Variants in QTMAN observed in about 807,000 individuals in gnomAD.
The protein encoded by QTMAN is tRNA-queuosine alpha-mannosyltransferase.
the QTMAN span, among the ~76,000 whole-genome samples, chr2:144,213,925 G>C: frequency 1.3e-5 from 2 of 151,960 alleles, no homozygotes; most frequent in African/African-American, 4.8e-5. Context: ...AACACACCCA[G>C]GTTCTATATA....
the QTMAN span, chr2:144,177,204 T>G: frequency 1.4e-6 from 1 of 700,374 alleles, no homozygotes; most frequent in African/African-American, 1.8e-5. Context: ...TATCCAGACA[T>G]GAAGAGTCAA....
At chr2:144,212,085 G>A in the QTMAN span, among the ~76,000 whole-genome samples, 2 of 152,194 alleles carry the variant, frequency 1.3e-5, no homozygotes, top group Admixed American at 1.3e-4. Flanking sequence ...TCTCCTATTG[G>A]TGCCTGAGTT....
the QTMAN span, among the ~76,000 whole-genome samples, chr2:144,328,077 A>C: frequency 6.6e-6 from 1 of 152,000 alleles, no homozygotes; most frequent in Non-Finnish European, 1.5e-5. Context: ...TCAGCCTCCG[A>C]GTAGCTGGGA....
chr2:144,320,356 G>A, the QTMAN span, among the ~76,000 whole-genome samples: 2 of 152,154 alleles, frequency 1.3e-5, no homozygotes, highest in African/African-American at 4.8e-5. Flanking sequence ...ATGATACCTA[G>A]TGTATGTCAC....
the QTMAN span, among the ~76,000 whole-genome samples, chr2:144,254,503 C>G: frequency 6.6e-6 from 1 of 152,170 alleles, no homozygotes; most frequent in African/African-American, 2.4e-5. Flanking sequence ...CATGGAAACA[C>G]CTGGATGTCC....
At chr2:144,170,421 G>A in the QTMAN span, among the ~76,000 whole-genome samples, 1 of 152,134 alleles carries the variant, frequency 6.6e-6, no homozygotes, top group Non-Finnish European at 1.5e-5. Context: ...GGTCTCCAAG[G>A]CCCACAGAGG....
chr2:144,106,438 A>G, the QTMAN span, among the ~76,000 whole-genome samples: 1 of 152,228 alleles, frequency 6.6e-6, no homozygotes. Context: ...AAAACAAAAA[A>G]AGGCAGGGGT....
the QTMAN span, among the ~76,000 whole-genome samples, chr2:143,964,636 G>A: frequency 6.6e-6 from 1 of 152,078 alleles, no homozygotes; most frequent in Non-Finnish European, 1.5e-5. Context: ...CAGGAGCTGG[G>A]AGCTGAGTGA....
chr2:144,098,194 C>T, the QTMAN span, among the ~76,000 whole-genome samples: 10 of 152,160 alleles, frequency 6.6e-5, no homozygotes, highest in South Asian at 4.1e-4. Context: ...ACAACCAATA[C>T]GTCAAAATTT....
the QTMAN span, among the ~76,000 whole-genome samples, chr2:144,104,054 C>T: frequency 6.6e-6 from 1 of 152,180 alleles, no homozygotes; most frequent in Non-Finnish European, 1.5e-5. Context: ...AGCACCACTG[C>T]ACTCCAGTCT....
chr2:144,138,647 T>A, the QTMAN span, among the ~76,000 whole-genome samples: 1 of 151,968 alleles, frequency 6.6e-6, no homozygotes, highest in African/African-American at 2.4e-5. Context: ...CAGTAACAGG[T>A]GAGAAGATGG....
chr2:144,258,840 A>C, the QTMAN span, among the ~76,000 whole-genome samples: 1 of 152,260 alleles, frequency 6.6e-6, no homozygotes, highest in East Asian at 1.9e-4. Flanking sequence ...ATGGACATAG[A>C]ATAGCTTGTT....
the QTMAN span, among the ~76,000 whole-genome samples, chr2:144,238,264 AAAT>A: frequency 1.4e-4 from 22 of 152,230 alleles, no homozygotes; most frequent in African/African-American, 5.3e-4. Flanking sequence ...AAATGAGATC[AAAT>A]TTTGTAGTGA....
chr2:144,194,116 A>T, the QTMAN span, among the ~76,000 whole-genome samples: 32 of 152,238 alleles, frequency 2.1e-4, 1 homozygote, highest in South Asian at 3.5e-3. Flanking sequence ...TAATTTTTTT[A>T]AAAAAATTCA....
At chr2:144,282,745 T>C in the QTMAN span, among the ~76,000 whole-genome samples, 2 of 152,072 alleles carry the variant, frequency 1.3e-5, no homozygotes, top group Non-Finnish European at 2.9e-5. Context: ...TTTTTTCTAA[T>C]GAGGCAACTC....
the QTMAN span, among the ~76,000 whole-genome samples, chr2:144,107,572 A>AAT: frequency 1.3e-5 from 2 of 152,204 alleles, no homozygotes; most frequent in African/African-American, 4.8e-5. Flanking sequence ...TGAATCTCTG[A>AAT]ATAGACCAAT....
chr2:143,991,228 A>T, the QTMAN span, among the ~76,000 whole-genome samples: 8 of 152,234 alleles, frequency 5.3e-5, no homozygotes, highest in Non-Finnish European at 8.8e-5. Context: ...TGGATGAAAG[A>T]TCCAACTTAA....
At chr2:144,317,883 TACTC>T in the QTMAN span, among the ~76,000 whole-genome samples, 1 of 152,198 alleles carries the variant, frequency 6.6e-6, no homozygotes, top group South Asian at 2.1e-4. Context: ...AACTTTTTTA[TACTC>T]ACTCTTATGA....
the QTMAN span, among the ~76,000 whole-genome samples, chr2:144,125,068 T>G: frequency 3.3e-5 from 5 of 152,154 alleles, no homozygotes; most frequent in African/African-American, 4.8e-5. Context: ...AAGCACTACT[T>G]TTGCCATGCC....
Sources: gnomAD v4.1 joint callset for allele counts (sites outside exome capture counted in the v4.1 genomes callset) on GRCh38, gnomAD v4.1.1 for gene constraint, MANE v1.5 for transcripts, NCBI Gene and HGNC (gene_info 2026-07-23, HGNC 2026-07-21) for gene names.